The following FHIT variants were observed in gnomAD, a reference collection of about 807,000 sequenced individuals.
The protein encoded by FHIT is bis(5'-adenosyl)-triphosphatase.
In FHIT, 19 loss-of-function variants were observed where a neutral mutation model predicts 17.9. The ratio of observed to expected loss-of-function variants is 1.06; its 90% CI spans 0.74 to 1.56. FHIT has a LOEUF of 1.56. Among genes scored for constraint, FHIT ranks in the 40% most tolerant of loss-of-function variants. The pLI is 0.00. For synonymous variants in FHIT, 81 were observed against 69.7 expected (o/e 1.16, Z -0.81); for missense variants, 248 against 189.2 (o/e 1.31, Z -1.82).
intron 7 of FHIT, among the ~76,000 whole-genome samples, chr3:59,944,257 C>T (rs372847153): frequency 7.9e-5 from 12 of 152,196 alleles, no homozygotes; most frequent in Middle Eastern, 3.4e-3. Context: ...TGGTACAATG[C>T]GTGTGTATAG....
In FHIT at chr3:60,789,757, C is replaced by T. The variant is rs115165549; in HGVS notation, c.-18+32162G>A. Among the ~76,000 whole-genome samples, 717 of 151,684 alleles carry T rather than the reference C, an allele frequency of 4.7e-3. 9 individuals carry two copies. Among genetic ancestry groups the T allele is most frequent in the African/African-American group, 0.016 (682 of 41,378 alleles). On this transcript the variant is annotated intron_variant, in intron 4 of 9. Transcript: ENST00000492590. The stretch of plus-strand genomic sequence containing the variant: ...GGTTGAGGATGAAAATAGAAAGACA[C>T]CAGAAGGAAAAAAAAAATTCATCCC...
intron 5 of FHIT, among the ~76,000 whole-genome samples, chr3:60,034,071 G>A (rs748473197): frequency 1.3e-5 from 2 of 152,176 alleles, no homozygotes; most frequent in African/African-American, 2.4e-5. Flanking sequence ...GGCAGATGTG[G>A]TTCTAAGCAC....
At chr3:60,271,705 T>A (rs762770507) in intron 5 of FHIT, among the ~76,000 whole-genome samples, 3 of 152,208 alleles carry the variant, frequency 2.0e-5, no homozygotes, top group Admixed American at 6.5e-5. Context: ...AAAAGTCCTA[T>A]ACTAAGCATT....
chr3:60,385,758 G>T (rs1428687572), intron 5 of FHIT, among the ~76,000 whole-genome samples: 1 of 151,658 alleles, frequency 6.6e-6, no homozygotes, highest in Non-Finnish European at 1.5e-5. Flanking sequence ...TTTTTTTTCT[G>T]GTAGAGATGG....
intron 7 of FHIT, among the ~76,000 whole-genome samples, chr3:59,994,066 T>C (rs1181013006): frequency 1.3e-5 from 2 of 151,974 alleles, no homozygotes; most frequent in East Asian, 1.9e-4. Flanking sequence ...ATGAGGAAAG[T>C]GAAGCTCAGA....
intron 3 of FHIT, among the ~76,000 whole-genome samples, chr3:60,859,883 A>G (rs1470765690): frequency 2.0e-5 from 3 of 149,822 alleles, no homozygotes; most frequent in Non-Finnish European, 4.4e-5. Flanking sequence ...GTCTCTACTA[A>G]AACTACAAAA....
intron 8 of FHIT, among the ~76,000 whole-genome samples, chr3:59,877,876 G>C (rs1703234952): frequency 6.6e-6 from 1 of 152,188 alleles, no homozygotes; most frequent in Non-Finnish European, 1.5e-5. Flanking sequence ...GGATAACCAT[G>C]AATGGTGAGT....
At chr3:60,011,865 G>A (rs1234633756) in intron 6 of FHIT, among the ~76,000 whole-genome samples, 2 of 152,204 alleles carry the variant, frequency 1.3e-5, no homozygotes, top group Non-Finnish European at 2.9e-5. Context: ...TTCTGACCTT[G>A]TGGGAGACAA....
intron 3 of FHIT, among the ~76,000 whole-genome samples, chr3:60,890,408 C>T (rs1265597658): frequency 1.3e-5 from 2 of 152,130 alleles, no homozygotes; most frequent in African/African-American, 2.4e-5. Flanking sequence ...CCAAATGGAG[C>T]GGAACAACTA....
chr3:59,927,265 G>A (rs1055702263), intron 7 of FHIT, among the ~76,000 whole-genome samples: 1 of 152,160 alleles, frequency 6.6e-6, no homozygotes, highest in Non-Finnish European at 1.5e-5. Context: ...CATAGAGAAA[G>A]AAAGATTTGC....
intron 3 of FHIT, among the ~76,000 whole-genome samples, chr3:60,861,170 G>A (rs1196519810): frequency 0.05 from 25 of 504 alleles, 1 homozygote; most frequent in Non-Finnish European, 0.075. Context: ...TATATCATAT[G>A]TTCTATGATA....
intron 5 of FHIT, among the ~76,000 whole-genome samples, chr3:60,189,435 A>C (rs1702303980): frequency 6.6e-6 from 1 of 152,192 alleles, no homozygotes; most frequent in African/African-American, 2.4e-5. Flanking sequence ...ACAATCAATC[A>C]TTCAGGCTTT....
At chr3:60,838,414 G>A (rs1702608376) in intron 3 of FHIT, among the ~76,000 whole-genome samples, 1 of 152,200 alleles carries the variant, frequency 6.6e-6, no homozygotes, top group Non-Finnish European at 1.5e-5. Context: ...AGAGCTTGCA[G>A]TGAGTCGAGA....
chr3:60,240,295 A>G (rs1227189825), intron 5 of FHIT, among the ~76,000 whole-genome samples: 1 of 152,182 alleles, frequency 6.6e-6, no homozygotes, highest in African/African-American at 2.4e-5. Context: ...CTTCAAATTT[A>G]TATTTCTGTT....
At chr3:60,855,186 T>G (rs973228290) in intron 3 of FHIT, among the ~76,000 whole-genome samples, 1 of 152,144 alleles carries the variant, frequency 6.6e-6, no homozygotes, top group African/African-American at 2.4e-5. Context: ...ACGGGCAGCA[T>G]GTGCTTAGCC....
At chr3:60,790,521 G>C (rs1700738409) in intron 4 of FHIT, among the ~76,000 whole-genome samples, 2 of 152,256 alleles carry the variant, frequency 1.3e-5, no homozygotes, top group East Asian at 3.9e-4. Context: ...TTGAAATCCT[G>C]ATTCCCCTTT....
At chr3:60,091,368 G>A (rs559580710) in intron 5 of FHIT, among the ~76,000 whole-genome samples, 16 of 152,270 alleles carry the variant, frequency 1.1e-4, no homozygotes, top group Admixed American at 5.9e-4. Context: ...AGTTGTAAGC[G>A]AAATGTCGCT....
intron 5 of FHIT, among the ~76,000 whole-genome samples, chr3:60,408,463 T>C (rs1701953154): frequency 6.6e-6 from 1 of 152,166 alleles, no homozygotes; most frequent in African/African-American, 2.4e-5. Context: ...GGGCAAGGAA[T>C]GACTGTACTA....
At chr3:60,504,582 A>T (rs1257758403) in intron 5 of FHIT, among the ~76,000 whole-genome samples, 1 of 152,188 alleles carries the variant, frequency 6.6e-6, no homozygotes, top group Admixed American at 6.5e-5. Flanking sequence ...AATACAATAT[A>T]TTGATTGAAG....
Sources: gnomAD v4.1 joint callset for allele counts (sites outside exome capture counted in the v4.1 genomes callset) on GRCh38, gnomAD v4.1.1 for gene constraint, MANE v1.5 for transcripts, NCBI Gene and HGNC (gene_info 2026-07-23, HGNC 2026-07-21) for gene names.